Variants in KCNQ1 observed in about 807,000 individuals in gnomAD.
KCNQ1 encodes potassium voltage-gated channel subfamily Q member 1, also known as potassium voltage-gated channel subfamily KQT member 1.
Under a neutral mutation model 72.4 loss-of-function variants are expected in KCNQ1, and 49 were observed. The observed-to-expected ratio is 0.68, with a 90% CI of 0.54 to 0.86. The LOEUF is 0.86. KCNQ1 is among the 40% of genes least tolerant of loss of function. KCNQ1 has a pLI of 0.00. For synonymous variants in KCNQ1, 450 were observed against 412.6 expected (o/e 1.09, Z -1.10); for missense variants, 790 against 945.1 (o/e 0.84, Z 2.15).
intron 11 of KCNQ1, among the ~76,000 whole-genome samples, chr11:2,717,365 C>G (rs1470846741): frequency 6.6e-6 from 1 of 152,208 alleles, no homozygotes; most frequent in Admixed American, 6.5e-5. Context: ...GCCCACACCT[C>G]TGCGCACAGT....
chr11:2,619,711 C>A (rs1849131603), intron 10 of KCNQ1: 2 of 385,082 alleles, frequency 5.2e-6, no homozygotes, highest in Non-Finnish European at 4.5e-6. Flanking sequence ...CCTTTAGCTG[C>A]ATTTTTTTTT....
At position 2,463,872 on chromosome 11, in the gene KCNQ1, G is replaced by T. The variant is rs1284187325; in HGVS notation, c.386+18388G>T. Among the ~76,000 whole-genome samples, 1 of 151,798 alleles carries T rather than the reference G, an allele frequency of 6.6e-6. No homozygotes were observed. The highest frequency in any genetic ancestry group is 1.5e-5 in the Non-Finnish European group (1 of 67,938). On this transcript the variant is annotated intron_variant, in intron 1 of 15. Transcript: ENST00000155840. The surrounding 1 kb of genome is among the most constrained non-coding windows in gnomAD (Gnocchi z 7.0). ...TGCTTGTGTAGATGCCCCCGTGCGGGGACTTGTTTGGCTGATGGATCAGGG... is the reference window on the plus strand; with the variant it reads ...TGCTTGTGTAGATGCCCCCGTGCGGTGACTTGTTTGGCTGATGGATCAGGG...
intron 11 of KCNQ1, chr11:2,680,282 A>G (rs1850372136): frequency 2.5e-6 from 1 of 396,698 alleles, no homozygotes; most frequent in Non-Finnish European, 4.4e-6. Flanking sequence ...TTGAAACTTC[A>G]TTCAATTTAG....
rs138366070 is a variant in KCNQ1 at position 2,666,802 on chromosome 11, T to C, written c.1514+4721T>C. 751 of 398,674 alleles carry C rather than the reference T, an allele frequency of 1.9e-3. 5 individuals carry two copies. The highest frequency in any genetic ancestry group is 0.014 in the African/African-American group (692 of 48,728). The allele number at this position is 398,674 out of a possible 1,614,324, so 24.7% of individuals were successfully genotyped here. A position where few individuals can be genotyped will look rare whatever the true frequency, so the allele number is the denominator to read the frequency against. On this transcript the variant is annotated intron_variant, in intron 11 of 15. Transcript: ENST00000155840. ...ACCATATTTCTCTCCCTGTAAACTT[T>C]GGTGGGAAAGGACAGAAAGGACATT...
In KCNQ1 at chr11:2,663,914, C is replaced by T; in HGVS notation, c.1514+1833C>T. On this transcript the variant is annotated intron_variant, in intron 11 of 15. Transcript: ENST00000155840. The surrounding 1 kb of genome is among the most constrained non-coding windows in gnomAD (Gnocchi z 5.2). ...GCCAGTGTGGCTGTGTCATCTAGGA[C>T]ACTGGGCTGTTTCTTGTTCCACTCC... 5.0e-6 allele frequency: 2 copies of T among 398,702 alleles called. No individual in the cohort carries two copies. Among genetic ancestry groups the T allele is most frequent in the Admixed American group, 4.4e-5 (1 of 22,734 alleles). 24.7% of individuals were successfully genotyped at this position (398,702 alleles called of 1,614,324 possible). A position where few individuals can be genotyped will look rare whatever the true frequency, so the allele number is the denominator to read the frequency against.
At chr11:2,737,668 G>A (rs757354159) in intron 11 of KCNQ1, among the ~76,000 whole-genome samples, 2 of 152,174 alleles carry the variant, frequency 1.3e-5, no homozygotes, top group Admixed American at 6.5e-5. Context: ...GTGCTGACTC[G>A]GCCCTCGCAG....
Position 2,651,193 on chromosome 11 carries a change from G to GT in KCNQ1, c.1394-10768_1394-10767insT. The stretch of plus-strand genomic sequence containing the variant: ...GCTTCCCTACTCAAATGTTCCGACA[G>GT]CTTCCTGTCACCCTGTCTTGTGTCA... On this transcript the variant is annotated intron_variant, in intron 10 of 15. Coordinates refer to ENST00000155840, the MANE Select transcript of KCNQ1 (RefSeq NM_000218.3). The surrounding 1 kb of genome is among the most constrained non-coding windows in gnomAD (Gnocchi z 6.1). 2.5e-6 allele frequency: 1 copy of GT among 397,008 alleles called. No homozygotes were observed. The highest frequency in any genetic ancestry group is 3.6e-5 in the East Asian group (1 of 28,070). The allele number at this position is 397,008 out of a possible 1,614,324, so 24.6% of individuals were successfully genotyped here. A position where few individuals can be genotyped will look rare whatever the true frequency, so the allele number is the denominator to read the frequency against.
chr11:2,570,102 G>T (rs1005338653), intron 2 of KCNQ1, among the ~76,000 whole-genome samples: 1 of 139,132 alleles, frequency 7.2e-6, no homozygotes, highest in East Asian at 1.9e-4. Flanking sequence ...CGGGGTTCCT[G>T]GCGTGGGACC....
At position 2,699,866 on chromosome 11, in the gene KCNQ1, G is replaced by A. The variant is rs895895178; in HGVS notation, c.1514+37785G>A. The A allele has an allele frequency of 6.6e-5, 26 of 394,910 alleles. 1 individual carries two copies. Among genetic ancestry groups the A allele is most frequent in the Non-Finnish European group, 9.3e-5 (21 of 224,768 alleles). 24.5% of individuals were successfully genotyped at this position (394,910 alleles called of 1,614,324 possible). A position where few individuals can be genotyped will look rare whatever the true frequency, so the allele number is the denominator to read the frequency against. On this transcript the variant is annotated intron_variant, in intron 11 of 15. Coordinates refer to ENST00000155840, the MANE Select transcript of KCNQ1 (RefSeq NM_000218.3). Reference sequence around the variant, plus strand: ...CGCTGAGGGGCGCACCGGGAGAATCGTGCTGAGGAGCCCCGGGGAGGACCA... The same window carrying A: ...CGCTGAGGGGCGCACCGGGAGAATCATGCTGAGGAGCCCCGGGGAGGACCA...
At chr11:2,514,320 C>T (rs909029195) in intron 1 of KCNQ1, among the ~76,000 whole-genome samples, 2 of 152,180 alleles carry the variant, frequency 1.3e-5, no homozygotes, top group African/African-American at 2.4e-5. Context: ...CTGGGGCTGC[C>T]CCATCTCTGG....
intron 1 of KCNQ1, 113 bp from the exon 2 acceptor site, chr11:2,527,815 C>T (rs1847536248): frequency 1.1e-5 from 10 of 876,792 alleles, no homozygotes; most frequent in Non-Finnish European, 1.7e-5. Flanking sequence ...TTTCGAAGCA[C>T]TGTCTGTTCC....
chr11:2,841,716 G>T (rs115788199), intron 15 of KCNQ1, among the ~76,000 whole-genome samples: 1 of 152,206 alleles, frequency 6.6e-6, no homozygotes, highest in Non-Finnish European at 1.5e-5. Context: ...GGAAGGGAAC[G>T]AGGGTCGTGT....
At chr11:2,685,638 G>A (rs947092480) in intron 11 of KCNQ1, 4 of 398,624 alleles carry the variant, frequency 1.0e-5, no homozygotes, top group African/African-American at 8.2e-5. Flanking sequence ...TCAGGGTTGA[G>A]GGGACAAGCC....
In KCNQ1 at chr11:2,621,112, G is replaced by A. The variant is rs1478036888; in HGVS notation, c.1393+32258G>A. The A allele has an allele frequency of 2.5e-6, 1 of 397,012 alleles. No individual in the cohort carries two copies. Among genetic ancestry groups the A allele is most frequent in the Non-Finnish European group, 4.4e-6 (1 of 225,746 alleles). The allele number at this position is 397,012 out of a possible 1,614,324, so 24.6% of individuals were successfully genotyped here. ...CCTGTCTCAGACTCCTGAGTAGCTG[G>A]GATTACAGGTGACCGCCACCATACC... On this transcript the variant is annotated intron_variant, in intron 10 of 15. Transcript: ENST00000155840. The surrounding 1 kb of genome is among the most constrained non-coding windows in gnomAD (Gnocchi z 5.7).
chr11:2,663,719 G>A lies in KCNQ1; in HGVS notation c.1514+1638G>A, dbSNP rs1850011342. ...CTTACCAACTCTTGGGTCTTGCAAG[G>A]CCCCTGCAGGTGAAGGTGGTGAGAG... On this transcript the variant is annotated intron_variant, in intron 11 of 15. Coordinates refer to ENST00000155840, the MANE Select transcript of KCNQ1 (RefSeq NM_000218.3). The surrounding 1 kb of genome is among the most constrained non-coding windows in gnomAD (Gnocchi z 5.2). 1 of 398,596 alleles carries A rather than the reference G, an allele frequency of 2.5e-6. No homozygotes were observed. The highest frequency in any genetic ancestry group is 4.4e-6 in the Non-Finnish European group (1 of 226,120). 24.7% of individuals were successfully genotyped at this position (398,596 alleles called of 1,614,324 possible).
At position 2,599,058 on chromosome 11, in the gene KCNQ1, A is replaced by G. The variant is rs1564829328; in HGVS notation, c.1393+10204A>G. Among the ~76,000 whole-genome samples, 1 of 152,226 alleles carries G rather than the reference A, an allele frequency of 6.6e-6. No homozygotes were observed. Among genetic ancestry groups the G allele is most frequent in the Non-Finnish European group, 1.5e-5 (1 of 68,038 alleles). On this transcript the variant is annotated intron_variant, in intron 10 of 15. Transcript: ENST00000155840. The surrounding 1 kb of genome is among the most constrained non-coding windows in gnomAD (Gnocchi z 4.7). The stretch of plus-strand genomic sequence containing the variant: ...CAATATTCACACTTTAACTTTACAG[A>G]TGAGTAGAATGGAATAGATGTGTTT...
Position 2,669,207 on chromosome 11 carries a change from C to T in KCNQ1, c.1514+7126C>T. On this transcript the variant is annotated intron_variant, in intron 11 of 15. Coordinates refer to ENST00000155840, the MANE Select transcript of KCNQ1 (RefSeq NM_000218.3). The surrounding 1 kb of genome is among the most constrained non-coding windows in gnomAD (Gnocchi z 5.6). ...CTTCCTTCTCACTGTAGTTTGCTAACAGGTTTTGACAGCTGGTCCTGCTGG... is the reference window on the plus strand; with the variant it reads ...CTTCCTTCTCACTGTAGTTTGCTAATAGGTTTTGACAGCTGGTCCTGCTGG... 2 of 398,700 alleles carry T rather than the reference C, an allele frequency of 5.0e-6. No individual in the cohort carries two copies. The highest frequency in any genetic ancestry group is 8.8e-6 in the Non-Finnish European group (2 of 226,118). The allele number at this position is 398,700 out of a possible 1,614,324, so 24.7% of individuals were successfully genotyped here. A position where few individuals can be genotyped will look rare whatever the true frequency, so the allele number is the denominator to read the frequency against.
chr11:2,698,737 T>G lies in KCNQ1; in HGVS notation c.1514+36656T>G. 1 of 398,766 alleles carries G rather than the reference T, an allele frequency of 2.5e-6. No individual in the cohort carries two copies. 24.7% of individuals were successfully genotyped at this position (398,766 alleles called of 1,614,324 possible). ...TCCAGTCGCCAACTCGGACCTCCCT[T>G]GGATCTCAACTCAGAGCCATGATGC... On this transcript the variant is annotated intron_variant, in intron 11 of 15. Coordinates refer to ENST00000155840, the MANE Select transcript of KCNQ1 (RefSeq NM_000218.3). This position sits in a 1 kb window ranked among gnomAD's most constrained non-coding sequence, Gnocchi z 5.1.
chr11:2,672,404 G>C (rs1850202265), intron 11 of KCNQ1: 1 of 398,534 alleles, frequency 2.5e-6, no homozygotes, highest in Non-Finnish European at 4.4e-6. Flanking sequence ...TATGGGTTAG[G>C]GGATGAGAGT....
Sources: gnomAD v4.1 joint callset for allele counts (sites outside exome capture counted in the v4.1 genomes callset) on GRCh38, gnomAD v4.1.1 for gene constraint, Gnocchi (gnomAD v3.1) non-coding constraint, MANE v1.5 for transcripts, NCBI Gene and HGNC (gene_info 2026-07-23, HGNC 2026-07-21) for gene names.